Variants in C12orf42 observed in about 807,000 individuals in gnomAD.
C12orf42 encodes chromosome 12 open reading frame 42.
Under a neutral mutation model 21.6 loss-of-function variants are expected in C12orf42, and 25 were observed. The observed-to-expected ratio is 1.16, with a 90% CI of 0.84 to 1.62. The LOEUF is 1.62. Among genes scored for constraint, C12orf42 ranks in the 40% most tolerant of loss-of-function variants. The pLI is 0.00. For missense variants in C12orf42, 483 were observed against 459.3 expected, an observed-to-expected ratio of 1.05 and a Z score of -0.47; for synonymous variants, 174 against 175.0, an observed-to-expected ratio of 0.99 and a Z score of 0.05.
At chr12:103,203,989 G>A in the C12orf42 span, among the ~76,000 whole-genome samples, 1 of 152,176 alleles carries the variant, frequency 6.6e-6, no homozygotes, top group Non-Finnish European at 1.5e-5. Flanking sequence ...ATAAGCTCCA[G>A]CTTCTATGAT....
rs961815877 is a variant in C12orf42, at chr12:103,355,646, G to A, written c.259+13241C>T. 1.2e-4 allele frequency among the ~76,000 whole-genome samples: 18 copies of A among 152,168 alleles called. No individual in the cohort carries two copies. In the South Asian group the frequency reaches 1.2e-3, roughly 11 times the overall value. On this transcript the variant is annotated intron_variant, in intron 4 of 5. Transcript: ENST00000548883. ...TTTGTACAAGGTCACACAGCCAGTGGTTGAGCTAGGCCTGGATCCCCAATA... is the reference window on the plus strand; with the variant it reads ...TTTGTACAAGGTCACACAGCCAGTGATTGAGCTAGGCCTGGATCCCCAATA...
Position 103,276,325 on chromosome 12 carries a change from G to A in C12orf42, n.398+825C>T, listed in dbSNP as rs2035770134. ...CTTTAAGGATGGAAACAAAGTTGAT[G>A]ACTCCCATAATTATTATTCTTCCTA... On this transcript the variant is annotated intron_variant and non_coding_transcript_variant, in intron 5 of 6. Coordinates refer to the C12orf42 transcript ENST00000546526. 2.6e-5 allele frequency among the ~76,000 whole-genome samples: 4 copies of A among 152,112 alleles called. No individual in the cohort carries two copies. In the South Asian group the frequency reaches 8.3e-4, roughly 31 times the overall value.
chr12:103,144,672 T>G, the C12orf42 span, among the ~76,000 whole-genome samples: 2 of 152,200 alleles, frequency 1.3e-5, no homozygotes, highest in Non-Finnish European at 2.9e-5. Flanking sequence ...TTTTTATGGG[T>G]GATATAATCT....
chr12:103,391,492 T>C (rs1222556213), intron 3 of C12orf42, among the ~76,000 whole-genome samples: 1 of 152,130 alleles, frequency 6.6e-6, no homozygotes, highest in African/African-American at 2.4e-5. Context: ...CTCATCGTGG[T>C]TTTGATTTAC....
At chr12:103,507,134 A>AT in the C12orf42 span, among the ~76,000 whole-genome samples, 2 of 18,262 alleles carry the variant, frequency 1.1e-4, no homozygotes, top group Admixed American at 1.0e-3. Context: ...TATAATATAT[A>AT]TTATATATAT....
At chr12:103,096,305 A>AT in the C12orf42 span, among the ~76,000 whole-genome samples, 4 of 152,054 alleles carry the variant, frequency 2.6e-5, no homozygotes, top group Admixed American at 1.3e-4. Context: ...GAATGGAATA[A>AT]TTTTTTTTCA....
the C12orf42 span, among the ~76,000 whole-genome samples, chr12:103,508,713 CT>C: frequency 6.6e-6 from 1 of 152,066 alleles, no homozygotes; most frequent in Non-Finnish European, 1.5e-5. Flanking sequence ...CTACAAGTTC[CT>C]TTGTGCAACA....
intron 3 of C12orf42, among the ~76,000 whole-genome samples, chr12:103,383,460 C>T (rs1457113438): frequency 6.6e-6 from 1 of 152,032 alleles, no homozygotes; most frequent in Non-Finnish European, 1.5e-5. Context: ...TTGAAACAAT[C>T]CCCAGCTGTT....
the C12orf42 span, among the ~76,000 whole-genome samples, chr12:103,523,226 A>G: frequency 2.0e-5 from 3 of 152,196 alleles, no homozygotes; most frequent in African/African-American, 7.2e-5. Context: ...GTGGGAGCTC[A>G]TAATAGTTTA....
At chr12:103,319,375 C>T (rs558511014) in intron 4 of C12orf42, among the ~76,000 whole-genome samples, 21 of 152,178 alleles carry the variant, frequency 1.4e-4, no homozygotes, top group African/African-American at 4.8e-4. Flanking sequence ...GAGTCAGAAA[C>T]AATTGAAAAA....
chr12:103,217,851 T>C, the C12orf42 span, among the ~76,000 whole-genome samples: 2 of 152,204 alleles, frequency 1.3e-5, no homozygotes, highest in African/African-American at 2.4e-5. Flanking sequence ...CTTCCTAGTG[T>C]GGTCCCAGGG....
At chr12:103,166,565 C>G in the C12orf42 span, among the ~76,000 whole-genome samples, 1 of 152,126 alleles carries the variant, frequency 6.6e-6, no homozygotes, top group Non-Finnish European at 1.5e-5. Context: ...GAATCCAGGT[C>G]TATTTCTTCC....
At chr12:103,287,409 A>G (rs534336663) in intron 4 of C12orf42, among the ~76,000 whole-genome samples, 17 of 152,282 alleles carry the variant, frequency 1.1e-4, no homozygotes, top group African/African-American at 3.8e-4. Flanking sequence ...TTGTAGGGAC[A>G]TGGATGAAGC....
At chr12:103,245,327 G>A (rs781229809) in intron 10 of C12orf42, among the ~76,000 whole-genome samples, 2 of 151,964 alleles carry the variant, frequency 1.3e-5, no homozygotes, top group Non-Finnish European at 2.9e-5. Context: ...CCTGTACAAT[G>A]GTAATCATTC....
the C12orf42 span, among the ~76,000 whole-genome samples, chr12:103,153,753 C>T: frequency 2.6e-5 from 4 of 152,000 alleles, no homozygotes; most frequent in African/African-American, 9.7e-5. Flanking sequence ...TTGGGAGTAT[C>T]TATAATATCT....
At chr12:103,281,957 AAGAAAGAG>A (rs1268169965) in intron 4 of C12orf42, among the ~76,000 whole-genome samples, 2 of 148,942 alleles carry the variant, frequency 1.3e-5, no homozygotes, top group African/African-American at 2.5e-5. Context: ...GAAAGAAAGA[AAGAAAGAG>A]ATCGATCCTA....
the C12orf42 span, among the ~76,000 whole-genome samples, chr12:103,109,108 T>C: frequency 6.6e-6 from 1 of 152,114 alleles, no homozygotes; most frequent in African/African-American, 2.4e-5. Context: ...CTAAAATTAA[T>C]ATGGATGAGT....
At chr12:103,546,619 T>A in the C12orf42 span, among the ~76,000 whole-genome samples, 4 of 152,204 alleles carry the variant, frequency 2.6e-5, no homozygotes, top group Admixed American at 1.3e-4. Context: ...GAAGTCATTG[T>A]AGAAAAAAAA....
chr12:103,270,526 A>G (rs1055091067), intron 5 of C12orf42, among the ~76,000 whole-genome samples: 7 of 150,298 alleles, frequency 4.7e-5, no homozygotes, highest in Admixed American at 2.6e-4. Flanking sequence ...TTTTATTTTT[A>G]TTTTTATTTT....
Sources: gnomAD v4.1 joint callset for allele counts (sites outside exome capture counted in the v4.1 genomes callset) on GRCh38, gnomAD v4.1.1 for gene constraint, MANE v1.5 for transcripts, NCBI Gene and HGNC (gene_info 2026-07-23, HGNC 2026-07-21) for gene names.